Variants in MTCL2 observed in about 807,000 individuals in gnomAD.
The protein encoded by MTCL2 is microtubule cross-linking factor 2.
the MTCL2 span, chr20:36,802,876 GCTCCTT>G: frequency 1.3e-6 from 2 of 1,578,086 alleles, no homozygotes; most frequent in Non-Finnish European, 1.7e-6. Flanking sequence ...CGGTTCTGCA[GCTCCTT>G]CACCTGCTGC....
chr20:36,801,693 C>T, the MTCL2 span, among the ~76,000 whole-genome samples: 3 of 152,078 alleles, frequency 2.0e-5, no homozygotes, highest in African/African-American at 4.8e-5. Context: ...AGGCCAGGCG[C>T]GGTGGTTCAT....
At chr20:36,803,548 G>A in the MTCL2 span, among the ~76,000 whole-genome samples, 1 of 152,096 alleles carries the variant, frequency 6.6e-6, no homozygotes, top group Admixed American at 6.5e-5. Context: ...GGCAGCAGGT[G>A]CAGGGGACAC....
chr20:36,859,517 G>T, the MTCL2 span: 1 of 1,056,310 alleles, frequency 9.5e-7, no homozygotes, highest in Non-Finnish European at 1.2e-6. Flanking sequence ...CTTTATCCAA[G>T]CATGCAAGGT....
chr20:36,822,483 T>C, the MTCL2 span, among the ~76,000 whole-genome samples: 2 of 152,374 alleles, frequency 1.3e-5, no homozygotes, highest in South Asian at 4.1e-4. Context: ...AGCATCTCCC[T>C]GTCTACAGGC....
chr20:36,829,101 C>T, the MTCL2 span: 3 of 1,564,122 alleles, frequency 1.9e-6, no homozygotes, highest in Non-Finnish European at 2.6e-6. Context: ...TTAGCCAGCT[C>T]AGTCTCGATG....
chr20:36,780,737 G>C, the MTCL2 span: 1 of 152,198 alleles, frequency 6.6e-6, no homozygotes, highest in Non-Finnish European at 1.5e-5. Flanking sequence ...GGGAAACTGA[G>C]GTATAGACTA....
At chr20:36,817,266 C>CAAAA in the MTCL2 span, 38 of 516,952 alleles carry the variant, frequency 7.4e-5, no homozygotes, top group Admixed American at 1.4e-4. Context: ...GACTCCGTCT[C>CAAAA]AAAAAAAAAA....
chr20:36,796,757 C>T, the MTCL2 span: 2 of 895,620 alleles, frequency 2.2e-6, no homozygotes, highest in Middle Eastern at 2.9e-4. Context: ...AGGAAGAGGG[C>T]AAAGGGGCGG....
At chr20:36,808,106 A>C in the MTCL2 span, among the ~76,000 whole-genome samples, 3 of 143,830 alleles carry the variant, frequency 2.1e-5, no homozygotes, top group Admixed American at 1.4e-4. Flanking sequence ...CGATCTCCTG[A>C]CCTCGTGATC....
the MTCL2 span, among the ~76,000 whole-genome samples, chr20:36,825,162 C>T: frequency 6.6e-6 from 1 of 152,028 alleles, no homozygotes; most frequent in Non-Finnish European, 1.5e-5. Context: ...AGGCTGGTCT[C>T]GAACTCCTGA....
chr20:36,813,394 T>C, the MTCL2 span, among the ~76,000 whole-genome samples: 511 of 149,506 alleles, frequency 3.4e-3, 3 homozygotes, highest in African/African-American at 0.012. Context: ...GGTCTTGAGT[T>C]AAAGAAATTA....
chr20:36,812,163 T>C, the MTCL2 span, among the ~76,000 whole-genome samples: 1 of 152,208 alleles, frequency 6.6e-6, no homozygotes, highest in Non-Finnish European at 1.5e-5. Flanking sequence ...CAGAGATGTG[T>C]CATTATCATC....
chr20:36,784,636 G>A, the MTCL2 span: 24 of 985,354 alleles, frequency 2.4e-5, no homozygotes, highest in South Asian at 1.4e-4. Flanking sequence ...GGGGTTCACC[G>A]GCACCAAGGC....
At chr20:36,841,314 C>G in the MTCL2 span, among the ~76,000 whole-genome samples, 1 of 151,662 alleles carries the variant, frequency 6.6e-6, no homozygotes, top group African/African-American at 2.4e-5. Context: ...GAGTGAGACC[C>G]TATCTCCAAG....
At chr20:36,825,166 C>G in the MTCL2 span, among the ~76,000 whole-genome samples, 1 of 152,302 alleles carries the variant, frequency 6.6e-6, no homozygotes, top group East Asian at 1.9e-4. Context: ...TGGTCTCGAA[C>G]TCCTGACCTC....
the MTCL2 span, among the ~76,000 whole-genome samples, chr20:36,847,344 C>G: frequency 2.6e-5 from 4 of 152,212 alleles, no homozygotes; most frequent in African/African-American, 9.6e-5. Context: ...AGAACATTTC[C>G]TTCCCAGACT....
At chr20:36,828,969 G>A in the MTCL2 span, 4 of 1,396,012 alleles carry the variant, frequency 2.9e-6, no homozygotes, top group Admixed American at 5.6e-5. Context: ...CCCACAAGCG[G>A]GGGCTCACAG....
chr20:36,822,251 G>A, the MTCL2 span, among the ~76,000 whole-genome samples: 2 of 152,268 alleles, frequency 1.3e-5, no homozygotes, highest in Non-Finnish European at 2.9e-5. Context: ...AGCCCCCAGG[G>A]ATGAAGCCAG....
chr20:36,845,950 G>A, the MTCL2 span, among the ~76,000 whole-genome samples: 3 of 152,154 alleles, frequency 2.0e-5, no homozygotes, highest in Non-Finnish European at 4.4e-5. Flanking sequence ...CTAACTGTGT[G>A]GAAGTGGGGA....
Sources: allele counts gnomAD v4.1 joint callset (sites outside exome capture counted in the v4.1 genomes callset), GRCh38; gene constraint gnomAD v4.1.1; transcripts MANE v1.5; gene names NCBI Gene and HGNC (gene_info 2026-07-23, HGNC 2026-07-21).